Variants in FAM53A observed in about 807,000 individuals in gnomAD.
FAM53A encodes the protein family with sequence similarity 53 member A.
A neutral mutation model predicts 26.6 loss-of-function variants in FAM53A; 28 were observed. The observed-to-expected ratio is 1.05, with a 90% CI of 0.78 to 1.45. The LOEUF is 1.45. Ranked by LOEUF, FAM53A falls within the 40% of genes most tolerant of loss-of-function variation. The pLI, the probability that FAM53A is intolerant of heterozygous loss-of-function variation, is 0.00. For missense variants in FAM53A, 650 were observed against 575.8 expected (o/e 1.13, Z -1.32); for synonymous variants, 290 against 253.1 (o/e 1.15, Z -1.38).
At chr4:1,589,416 A>G in the FAM53A span, among the ~76,000 whole-genome samples, 2 of 152,122 alleles carry the variant, frequency 1.3e-5, no homozygotes, top group Non-Finnish European at 2.9e-5. Flanking sequence ...AGGCCTTACA[A>G]TTGTCTTTTC....
At chr4:1,645,749 C>T (rs1214135629) in intron 4 of FAM53A, among the ~76,000 whole-genome samples, 1 of 152,252 alleles carries the variant, frequency 6.6e-6, no homozygotes, top group Non-Finnish European at 1.5e-5. Flanking sequence ...CTGGGCATGG[C>T]TCCTGGAGAG....
intron 1 of FAM53A, among the ~76,000 whole-genome samples, chr4:1,679,402 A>AG (rs1427478128): frequency 6.6e-6 from 1 of 150,732 alleles, no homozygotes; most frequent in Non-Finnish European, 1.5e-5. Context: ...AAAAAAAAAA[A>AG]AAAAGGCCAG....
At chr4:1,606,124 C>T in the FAM53A span, among the ~76,000 whole-genome samples, 4 of 151,758 alleles carry the variant, frequency 2.6e-5, no homozygotes, top group East Asian at 5.8e-4. Flanking sequence ...CTGCAAGCTC[C>T]GCCTCCCGGG....
intron 4 of FAM53A, among the ~76,000 whole-genome samples, chr4:1,647,585 G>A (rs75124196): frequency 0.011 from 1,636 of 152,358 alleles, 14 homozygotes; most frequent in Middle Eastern, 0.051. Flanking sequence ...ACACAGTTGC[G>A]CACGCAGACT....
chr4:1,661,804 C>T (rs1040423516), intron 2 of FAM53A, among the ~76,000 whole-genome samples: 1 of 152,044 alleles, frequency 6.6e-6, no homozygotes, highest in African/African-American at 2.4e-5. Flanking sequence ...GGACACAACC[C>T]TAAAAATCAC....
At chr4:1,616,456 C>A (rs371529325), downstream of FAM53A, among the ~76,000 whole-genome samples, 1 of 151,178 alleles carries the variant, frequency 6.6e-6, no homozygotes, top group South Asian at 2.1e-4. Context: ...CACTCCAGCC[C>A]GGGTGTCACA....
At chr4:1,623,164 C>G (rs28743048) in intron 1 of FAM53A, among the ~76,000 whole-genome samples, 1 of 152,024 alleles carries the variant, frequency 6.6e-6, no homozygotes, top group African/African-American at 2.4e-5. Context: ...CAGCAGTCCA[C>G]GGCCAGGGCC....
the FAM53A span, among the ~76,000 whole-genome samples, chr4:1,579,147 GCCTCCAGGGGCTCCCGTCAGGCCCCTGCC>G: frequency 6.6e-6 from 1 of 151,194 alleles, no homozygotes; most frequent in Admixed American, 6.6e-5. Context: ...AGGCGGCTGC[GCCTCCAGGGGCTCCCGTCAGGCCCCTGCC>G]CCCCCTGCCC....
intron 2 of FAM53A, among the ~76,000 whole-genome samples, chr4:1,664,629 C>A (rs755438357): frequency 5.4e-4 from 82 of 152,204 alleles, no homozygotes; most frequent in Non-Finnish European, 1.0e-3. Flanking sequence ...AACAATCTAT[C>A]ACTGAGTAAC....
chr4:1,633,616 G>C (rs1421575544), intron 1 of FAM53A, among the ~76,000 whole-genome samples: 1 of 152,112 alleles, frequency 6.6e-6, no homozygotes, highest in Non-Finnish European at 1.5e-5. Flanking sequence ...AGAAGAATGG[G>C]TGAGCCCATC....
rs1276692241 is a variant in FAM53A, at chr4:1,669,316, C to CG, written c.-164-412dup. On this transcript the variant is annotated intron_variant, in intron 1 of 4. Transcript: ENST00000308132. ...GCTCCAAGTGGCCAAACACCCCTCC[C>CG]GCTCCCATGCCAGCCAGCTAGGCAA... Among the ~76,000 whole-genome samples the CG allele has an allele frequency of 2.0e-5, 3 of 152,372 alleles. No individual in the cohort carries two copies. In the South Asian group the frequency reaches 6.2e-4, roughly 32 times the overall value.
At chr4:1,656,760 T>C (rs999810227) in intron 3 of FAM53A, among the ~76,000 whole-genome samples, 1 of 152,166 alleles carries the variant, frequency 6.6e-6, no homozygotes, top group Admixed American at 6.5e-5. Context: ...ACTTTGGTCA[T>C]CTGGCGCTCA....
At chr4:1,653,030 C>A (rs1342833181) in intron 4 of FAM53A, among the ~76,000 whole-genome samples, 1 of 151,308 alleles carries the variant, frequency 6.6e-6, no homozygotes, top group African/African-American at 2.4e-5. Flanking sequence ...ACACACTACA[C>A]ACACACAACA....
At chr4:1,611,979 A>G in the FAM53A span, among the ~76,000 whole-genome samples, 1 of 152,356 alleles carries the variant, frequency 6.6e-6, no homozygotes, top group African/African-American at 2.4e-5. Flanking sequence ...ATCATTTTGC[A>G]CTAAACTGCG....
chr4:1,621,862 T>C (rs1012165736), intron 1 of FAM53A, among the ~76,000 whole-genome samples: 1 of 151,988 alleles, frequency 6.6e-6, no homozygotes, highest in African/African-American at 2.4e-5. Flanking sequence ...GGTGAATGCG[T>C]CCCCCAAGGC....
chr4:1,673,561 C>T (rs1012455559), intron 1 of FAM53A, among the ~76,000 whole-genome samples: 4 of 152,144 alleles, frequency 2.6e-5, no homozygotes, highest in African/African-American at 9.7e-5. Flanking sequence ...GGTGAAACCC[C>T]ATCTCTATTA....
chr4:1,611,320 C>T, the FAM53A span, among the ~76,000 whole-genome samples: 74 of 152,290 alleles, frequency 4.9e-4, 1 homozygote, highest in South Asian at 0.014. Context: ...GGGGGGCCCC[C>T]GCCACCCCAG....
At position 1,659,399 on chromosome 4, in the gene FAM53A, G is replaced by A. The variant is rs775856924; in HGVS notation, c.76-1931C>T. Among the ~76,000 whole-genome samples the A allele has an allele frequency of 1.1e-4, 17 of 152,242 alleles. No homozygotes were observed. The highest frequency in any genetic ancestry group is 2.1e-4 in the Non-Finnish European group (14 of 68,040). On this transcript the variant is annotated intron_variant, in intron 2 of 4. Transcript: ENST00000308132. The surrounding 1 kb of genome is among the most constrained non-coding windows in gnomAD (Gnocchi z 5.2). ...GTTCCGCACAGCACCCGTTCCCCGG[G>A]GCCACATGAACAGCACCCAGCTCGA...
chr4:1,655,780 G>C (rs925406016), intron 3 of FAM53A, 57 bp from the exon 4 acceptor site: 2 of 1,460,738 alleles, frequency 1.4e-6, no homozygotes, highest in African/African-American at 1.4e-5. Flanking sequence ...CAGGGCAGGC[G>C]ACATCCATCC....
Sources: gnomAD v4.1 joint callset for allele counts (sites outside exome capture counted in the v4.1 genomes callset) on GRCh38, gnomAD v4.1.1 for gene constraint, Gnocchi (gnomAD v3.1) non-coding constraint, MANE v1.5 for transcripts, NCBI Gene and HGNC (gene_info 2026-07-23, HGNC 2026-07-21) for gene names.